Variants in MFNG observed in about 807,000 individuals in gnomAD.
MFNG encodes beta-1,3-N-acetylglucosaminyltransferase manic fringe.
Under a neutral mutation model 34.2 loss-of-function variants are expected in MFNG, and 24 were observed. That is an observed-to-expected ratio of 0.70 (90% CI 0.51 to 0.99). MFNG has a LOEUF of 0.99. Ranked by LOEUF, MFNG falls within the 50% of genes least tolerant of loss-of-function variation. The pLI is 0.00. For missense variants in MFNG, 383 were observed against 424.0 expected, an observed-to-expected ratio of 0.90 and a Z score of 0.85; for synonymous variants, 158 against 179.2, an observed-to-expected ratio of 0.88 and a Z score of 0.94.
In MFNG at chr22:37,476,999, C is replaced by T. The variant is rs1375315205; in HGVS notation, c.562-18G>A. 3.1e-6 allele frequency: 5 copies of T among 1,611,564 alleles called. No homozygotes were observed. Among genetic ancestry groups the T allele is most frequent in the Middle Eastern group, 1.6e-4 (1 of 6,062 alleles). ...ACCAGCCTCTGAGAGAGAGGAAGGC[C>T]AAGGGGCAGAGTGAGCCTGGTGGCA... On this transcript the variant is annotated intron_variant, in intron 4 of 7. Transcript: ENST00000356998.
intron 3 of MFNG, 94 bp from the exon 4 acceptor site, chr22:37,479,592 G>A: frequency 6.7e-7 from 1 of 1,495,182 alleles, no homozygotes; most frequent in South Asian, 1.2e-5. Context: ...TGACGGAATG[G>A]GGGTAGGGGT....
intron 3 of MFNG, 85 bp from the exon 4 acceptor site, chr22:37,479,583 G>T: frequency 6.5e-7 from 1 of 1,535,702 alleles, no homozygotes. Context: ...GGTCAACAGT[G>T]ACGGAATGGG....
At chr22:37,476,585 A>G (rs115801308) in intron 5 of MFNG, among the ~76,000 whole-genome samples, 131 of 152,134 alleles carry the variant, frequency 8.6e-4, no homozygotes, top group African/African-American at 2.6e-3. Flanking sequence ...CAGCCCAGAC[A>G]TTTTCTCATT....
rs768635690 is a variant in MFNG, at chr22:37,485,988, G to A, written c.190C>T (p.Arg64Trp). 2.5e-6 allele frequency: 4 copies of A among 1,614,002 alleles called. No individual in the cohort carries two copies. The highest frequency in any genetic ancestry group is 2.5e-6 in the Non-Finnish European group (3 of 1,179,930). ...TCCAGGCGCAAGCGGTGGAAAGCCC[G>A]GGTCGTCTTCACTGCAATGAAGACA... ...HDVFIAVKTT[R>W]AFHRLRLELL... The change falls in exon 1 of 8, where the codon CGG becomes TGG. Residue 64 changes from arginine to tryptophan, a missense_variant. Transcript: ENST00000356998. The surrounding 1 kb of genome is among the most constrained non-coding windows in gnomAD (Gnocchi z 5.3).
chr22:37,478,501 A>C (rs1490777137), intron 4 of MFNG, among the ~76,000 whole-genome samples: 2 of 152,174 alleles, frequency 1.3e-5, no homozygotes, highest in Admixed American at 1.3e-4. Context: ...ATCAGTGTCC[A>C]TCCAGGTCAG....
chr22:37,480,398 A>T (rs1922240545), intron 2 of MFNG, 99 bp from the exon 3 acceptor site: 2 of 935,702 alleles, frequency 2.1e-6, no homozygotes, highest in Non-Finnish European at 3.3e-6. Context: ...GGGAGTCTGG[A>T]GCAGCCCACC....
rs973275413 is a variant in MFNG, at chr22:37,483,929, CAG to C, written c.255+1992_255+1993del. Among the ~76,000 whole-genome samples, 2 of 152,290 alleles carry C rather than the reference CAG, an allele frequency of 1.3e-5. No homozygotes were observed. Among genetic ancestry groups the C allele is most frequent in the East Asian group, 1.9e-4 (1 of 5,186 alleles). On this transcript the variant is annotated intron_variant, in intron 1 of 7. Transcript: ENST00000356998. The surrounding 1 kb of genome is among the most constrained non-coding windows in gnomAD (Gnocchi z 4.5). ...CCTAAGGTTGGCACAGAGCGATGGG[CAG>C]AGTTTCTTTGGAGCCAAGGGCTGCA...
rs1343120340 is a variant in MFNG at position 37,481,533 on chromosome 22, A to T, written c.256-764T>A. The stretch of plus-strand genomic sequence containing the variant: ...CAAGCTCAGACTCTGAATGAGAGGT[A>T]GAGGAAGTACATGGATGCGACAAAG... On this transcript the variant is annotated intron_variant, in intron 1 of 7. Coordinates refer to ENST00000356998, the MANE Select transcript of MFNG (RefSeq NM_002405.4). Among the ~76,000 whole-genome samples, 4 of 152,240 alleles carry T rather than the reference A, an allele frequency of 2.6e-5. 1 individual carries two copies. The highest frequency in any genetic ancestry group is 2.6e-4 in the Admixed American group (4 of 15,290).
chr22:37,481,782 ACTCT>A (rs1922301535), intron 1 of MFNG, among the ~76,000 whole-genome samples: 1 of 151,718 alleles, frequency 6.6e-6, no homozygotes, highest in Non-Finnish European at 1.5e-5. Context: ...AAGCCCTCCG[ACTCT>A]CTCAGCCCCC....
intron 1 of MFNG, chr22:37,484,384 GTGA>G: frequency 1.3e-5 from 2 of 152,536 alleles, no homozygotes; most frequent in East Asian, 1.9e-4. Flanking sequence ...ACAGAGAGAA[GTGA>G]GCCAAAGGGT....
chr22:37,474,433 C>G (rs529548860), intron 6 of MFNG, 79 bp downstream of exon 6: 1 of 1,526,430 alleles, frequency 6.6e-7, no homozygotes, highest in Admixed American at 1.9e-5. Flanking sequence ...CTTTCAAACG[C>G]CAGGAGGGAG....
chr22:37,478,047 A>C (rs1922120057), intron 4 of MFNG, among the ~76,000 whole-genome samples: 1 of 152,198 alleles, frequency 6.6e-6, no homozygotes. Flanking sequence ...CCAGCAGTGA[A>C]GTGGTGTGAG....
chr22:37,484,520 C>T (rs1443951910), intron 1 of MFNG: 1 of 152,408 alleles, frequency 6.6e-6, no homozygotes, highest in East Asian at 1.9e-4. Flanking sequence ...GGGCTCTGTC[C>T]CCTCAGGCCT....
In MFNG at chr22:37,485,924, T is replaced by G; in HGVS notation, c.254A>C (p.Gln85Pro). 1 of 1,612,166 alleles carries G rather than the reference T, an allele frequency of 6.2e-7. No homozygotes were observed. Among genetic ancestry groups the G allele is most frequent in the Non-Finnish European group, 8.5e-7 (1 of 1,178,858 alleles). Reference protein sequence around the residue: ...LDTWVSRTREQTFVFTDSPDK... With the variant: ...LDTWVSRTREPTFVFTDSPDK... ...GGCCCAATGTCACCCACTTGTCACC[T>G]GTTCCCTGGTCCTGGAAACCCACGT... The change falls in exon 1 of 8, where the codon CAG (glutamine) becomes CCG (proline). Residue 85 changes from glutamine to proline, a missense_variant and splice_region_variant. Transcript: ENST00000356998. This position sits in a 1 kb window ranked among gnomAD's most constrained non-coding sequence, Gnocchi z 5.3.
intron 4 of MFNG, among the ~76,000 whole-genome samples, chr22:37,477,970 C>T (rs1254286443): frequency 6.6e-6 from 1 of 152,124 alleles, no homozygotes; most frequent in Admixed American, 6.5e-5. Context: ...CGTGTAAACC[C>T]AGGGAGTCAG....
intron 4 of MFNG, 72 bp downstream of exon 4, chr22:37,479,273 C>A (rs1338308908): frequency 1.4e-6 from 2 of 1,463,258 alleles, no homozygotes; most frequent in Non-Finnish European, 1.8e-6. Flanking sequence ...TCTAGCACAC[C>A]CCCACCCCCA....
intron 4 of MFNG, among the ~76,000 whole-genome samples, chr22:37,478,522 G>A (rs569497736): frequency 4.6e-5 from 7 of 152,280 alleles, no homozygotes; most frequent in East Asian, 3.9e-4. Context: ...GAACTGAGGC[G>A]GGTACAGAGC....
intron 4 of MFNG, 53 bp from the exon 5 acceptor site, chr22:37,477,034 A>G (rs1601796459): frequency 6.6e-7 from 1 of 1,511,392 alleles, no homozygotes; most frequent in Non-Finnish European, 9.2e-7. Flanking sequence ...AGTTGTGGGG[A>G]AAAGGGACAG....
In MFNG at chr22:37,486,060, CG is replaced by C. The variant is rs1211745502; in HGVS notation, c.117del (p.Glu40SerfsTer2). 2.5e-6 allele frequency: 4 copies of C among 1,613,762 alleles called. No individual in the cohort carries two copies. Among genetic ancestry groups the C allele is most frequent in the Admixed American group, 3.3e-5 (2 of 60,014 alleles). On this transcript the variant is annotated frameshift_variant, in exon 1 of 8. Transcript: ENST00000356998. LOFTEE classifies it high-confidence loss of function. ...NLSPQRVQGT[P>X]ELSQPNPGPP... ...GGCCCCGGGTTCGGCTGGCTCAGCT[CG>C]GGGGTCCCTTGTACCCGCTGCGGGG... is the stretch of plus-strand genomic sequence containing the variant.
Sources: allele counts gnomAD v4.1 joint callset (sites outside exome capture counted in the v4.1 genomes callset), GRCh38; gene constraint gnomAD v4.1.1; non-coding constraint Gnocchi (gnomAD v3.1); transcripts MANE v1.5; gene names NCBI Gene and HGNC (gene_info 2026-07-23, HGNC 2026-07-21).